Variants in PTPRN2 observed in about 807,000 individuals in gnomAD.
PTPRN2 encodes receptor-type tyrosine-protein phosphatase N2.
Under a neutral mutation model 118.8 loss-of-function variants are expected in PTPRN2, and 74 were observed. That is an observed-to-expected ratio of 0.62 (90% CI 0.52 to 0.76). The LOEUF (loss-of-function observed/expected upper bound fraction) is 0.76, where lower values mean the gene tolerates loss of function less well. Ranked by LOEUF, PTPRN2 falls within the 30% of genes least tolerant of loss-of-function variation. The pLI is 0.00. For missense variants in PTPRN2, 1,481 were observed against 1,394.4 expected (o/e 1.06, Z -0.99); for synonymous variants, 641 against 608.0 (o/e 1.05, Z -0.80).
At chr7:157,624,234 A>G (rs1295204553) in intron 14 of PTPRN2, among the ~76,000 whole-genome samples, 1 of 152,152 alleles carries the variant, frequency 6.6e-6, no homozygotes, top group Non-Finnish European at 1.5e-5. Flanking sequence ...CAGCCTGGCC[A>G]ACATGGTGAA....
chr7:157,773,189 C>T (rs1802991290), intron 12 of PTPRN2, among the ~76,000 whole-genome samples: 1 of 152,204 alleles, frequency 6.6e-6, no homozygotes, highest in Non-Finnish European at 1.5e-5. Flanking sequence ...CAGGGGTCCT[C>T]CACCTCCGCT....
intron 14 of PTPRN2, among the ~76,000 whole-genome samples, chr7:157,642,529 T>C (rs945448152): frequency 6.6e-6 from 1 of 152,122 alleles, no homozygotes. Flanking sequence ...CTCGGGTTTC[T>C]CCAGGAAGTT....
chr7:158,183,733 G>C (rs750204476), intron 5 of PTPRN2, among the ~76,000 whole-genome samples: 3 of 152,248 alleles, frequency 2.0e-5, no homozygotes, highest in African/African-American at 4.8e-5. Flanking sequence ...CTTGGAGGCA[G>C]TGTCTCCCCC....
chr7:158,197,181 T>C (rs1163765094), intron 4 of PTPRN2, among the ~76,000 whole-genome samples: 2 of 152,222 alleles, frequency 1.3e-5, no homozygotes, highest in East Asian at 3.9e-4. Context: ...GCTCAGACTT[T>C]GCAGGTGCTG....
chr7:157,908,747 A>G (rs923123367), intron 11 of PTPRN2, among the ~76,000 whole-genome samples: 1 of 152,268 alleles, frequency 6.6e-6, no homozygotes, highest in South Asian at 2.1e-4. Flanking sequence ...AATACAATTT[A>G]AAATACAGCT....
At chr7:157,650,028 C>T (rs72505541) in intron 14 of PTPRN2, among the ~76,000 whole-genome samples, 6,480 of 152,194 alleles carry the variant, frequency 0.043, 245 homozygotes, top group South Asian at 0.13. Context: ...TCGGTGGACG[C>T]GTAAATGGCT....
At chr7:157,827,362 CCACAACACAACACAA>C (rs57453915) in intron 12 of PTPRN2, among the ~76,000 whole-genome samples, 54 of 146,712 alleles carry the variant, frequency 3.7e-4, no homozygotes, top group East Asian at 2.9e-3. Context: ...AAGCCAGAGA[CCACAACACAACACAA>C]CACAACACAA....
intron 11 of PTPRN2, among the ~76,000 whole-genome samples, chr7:158,017,620 T>C (rs891919218): frequency 6.6e-6 from 1 of 152,186 alleles, no homozygotes; most frequent in Admixed American, 6.5e-5. Flanking sequence ...ATGCTGACGT[T>C]GACTAACTCA....
chr7:158,224,580 A>AAAAGCAAC (rs1295472785), intron 3 of PTPRN2, among the ~76,000 whole-genome samples: 1 of 152,234 alleles, frequency 6.6e-6, no homozygotes, highest in East Asian at 1.9e-4. Context: ...CAGTCTACAC[A>AAAAGCAAC]AAAGCAACTC....
At position 158,579,448 on chromosome 7, in the gene PTPRN2, A is replaced by T. The variant is rs904879881; in HGVS notation, c.112+8110T>A. On this transcript the variant is annotated intron_variant, in intron 1 of 22. Transcript: ENST00000389418. The stretch of plus-strand genomic sequence containing the variant: ...GTGGTTACCAAGGACTCTCCCACCC[A>T]TCTCAGGTAATCCTCTCAAAAACAT... Among the ~76,000 whole-genome samples the T allele has an allele frequency of 7.2e-5, 11 of 152,200 alleles. No homozygotes were observed. The East Asian group carries it at 2.1e-3, about 29-fold the overall frequency.
chr7:158,129,354 CCA>C (rs955257783), intron 9 of PTPRN2, among the ~76,000 whole-genome samples: 3 of 150,904 alleles, frequency 2.0e-5, no homozygotes, highest in African/African-American at 7.3e-5. Flanking sequence ...ATAACACACA[CCA>C]CACAGCACAC....
intron 1 of PTPRN2, among the ~76,000 whole-genome samples, chr7:158,518,283 G>A (rs1823717838): frequency 6.6e-6 from 1 of 152,102 alleles, no homozygotes; most frequent in African/African-American, 2.4e-5. Flanking sequence ...AGAAGGATAT[G>A]AACATTAATA....
At chr7:158,164,794 A>G (rs1282959971) in intron 6 of PTPRN2, among the ~76,000 whole-genome samples, 1 of 152,184 alleles carries the variant, frequency 6.6e-6, no homozygotes, top group Non-Finnish European at 1.5e-5. Flanking sequence ...GAAGGAGTAT[A>G]GAGGTGGGAG....
intron 2 of PTPRN2, among the ~76,000 whole-genome samples, chr7:158,396,137 CG>C (rs1290503666): frequency 6.6e-6 from 1 of 152,194 alleles, no homozygotes; most frequent in Non-Finnish European, 1.5e-5. Context: ...CACAGGGCAG[CG>C]GGCAGCCAGT....
At chr7:157,918,898 C>T (rs1017436755) in intron 11 of PTPRN2, among the ~76,000 whole-genome samples, 1 of 152,224 alleles carries the variant, frequency 6.6e-6, no homozygotes, top group Non-Finnish European at 1.5e-5. Context: ...TCCGGGGCTG[C>T]GCTTGGCACT....
chr7:158,488,682 C>T (rs558353641), intron 2 of PTPRN2, among the ~76,000 whole-genome samples: 14 of 152,370 alleles, frequency 9.2e-5, no homozygotes, highest in Middle Eastern at 3.4e-3. Context: ...CTCAGTCCCC[C>T]GCCGGCACCC....
chr7:158,548,959 C>T (rs1826465459), intron 1 of PTPRN2, among the ~76,000 whole-genome samples: 1 of 152,216 alleles, frequency 6.6e-6, no homozygotes, highest in Non-Finnish European at 1.5e-5. Context: ...GCAAGACCAC[C>T]CCAGCCCAGG....
intron 3 of PTPRN2, among the ~76,000 whole-genome samples, chr7:158,310,221 G>A (rs1257255942): frequency 6.6e-6 from 1 of 152,236 alleles, no homozygotes; most frequent in African/African-American, 2.4e-5. Context: ...TGTTGAGGCT[G>A]AGTCTTGAGG....
At chr7:158,020,781 G>A (rs967210865) in intron 11 of PTPRN2, among the ~76,000 whole-genome samples, 2 of 152,174 alleles carry the variant, frequency 1.3e-5, no homozygotes, top group Non-Finnish European at 2.9e-5. Context: ...CTAAGGGAGT[G>A]CACAGGAGTT....
Sources: allele counts gnomAD v4.1 joint callset (sites outside exome capture counted in the v4.1 genomes callset), GRCh38; gene constraint gnomAD v4.1.1; transcripts MANE v1.5; gene names NCBI Gene and HGNC (gene_info 2026-07-23, HGNC 2026-07-21).